Variants in ARMC2 observed in about 807,000 individuals in gnomAD.
The protein encoded by ARMC2 is armadillo repeat containing 2.
ARMC2 carries 67 observed loss-of-function variants against 90.3 expected under a neutral mutation model. That is an observed-to-expected ratio of 0.74 (90% CI 0.61 to 0.91). The LOEUF (loss-of-function observed/expected upper bound fraction) is 0.91, where lower values mean the gene tolerates loss of function less well. Among genes scored for constraint, ARMC2 ranks in the 40% least tolerant of loss-of-function variants. ARMC2 has a pLI of 0.00. For missense variants in ARMC2, 920 were observed against 1,030.9 expected (o/e 0.89, Z 1.47); for synonymous variants, 393 against 393.0 (o/e 1.00, Z 0.00).
intron 12 of ARMC2, among the ~76,000 whole-genome samples, chr6:108,938,302 C>T (rs1252821275): frequency 3.3e-5 from 5 of 152,066 alleles, no homozygotes; most frequent in African/African-American, 9.7e-5. Context: ...TAGCATTGAA[C>T]TTATCTTTAC....
intron 5 of ARMC2, among the ~76,000 whole-genome samples, chr6:108,892,397 A>T (rs1050050299): frequency 6.6e-6 from 1 of 152,122 alleles, no homozygotes; most frequent in African/African-American, 2.4e-5. Flanking sequence ...TAATTAGACA[A>T]TTTTTGGAAA....
At chr6:108,848,867 C>G (rs979286710) in intron 1 of ARMC2, 2 of 152,276 alleles carry the variant, frequency 1.3e-5, no homozygotes, top group African/African-American at 2.4e-5. Flanking sequence ...CTGCCGTCGT[C>G]CGCCTGTGTG....
At chr6:108,995,028 A>G in the ARMC2 span, among the ~76,000 whole-genome samples, 1 of 152,184 alleles carries the variant, frequency 6.6e-6, no homozygotes, top group South Asian at 2.1e-4. Flanking sequence ...AGTAGAATAT[A>G]GGGAAAATAT....
chr6:109,006,199 T>C, the ARMC2 span, among the ~76,000 whole-genome samples: 1 of 152,216 alleles, frequency 6.6e-6, no homozygotes, highest in East Asian at 1.9e-4. Flanking sequence ...ACAATATTCA[T>C]GAAAAAGTCA....
At chr6:108,939,271 A>G (rs557467901) in intron 12 of ARMC2, among the ~76,000 whole-genome samples, 1 of 152,156 alleles carries the variant, frequency 6.6e-6, no homozygotes, top group African/African-American at 2.4e-5. Context: ...TTATGTTCCT[A>G]TTGATGTGGT....
At chr6:108,858,746 C>G (rs542229172) in intron 3 of ARMC2, among the ~76,000 whole-genome samples, 28 of 152,148 alleles carry the variant, frequency 1.8e-4, no homozygotes, top group African/African-American at 6.7e-4. Context: ...ATCCAATGGT[C>G]TCCTGTCCCC....
chr6:108,858,091 A>G (rs2128418317), intron 2 of ARMC2, 108 bp from the exon 3 acceptor site: 1 of 719,222 alleles, frequency 1.4e-6, no homozygotes, highest in South Asian at 2.1e-5. Flanking sequence ...CTCATGGTTT[A>G]TGCATTGCAT....
the ARMC2 span, among the ~76,000 whole-genome samples, chr6:108,994,940 G>C: frequency 6.6e-6 from 1 of 152,060 alleles, no homozygotes; most frequent in Non-Finnish European, 1.5e-5. Context: ...TCCTGACCTT[G>C]TGATCTGTCC....
At chr6:108,998,374 A>T in the ARMC2 span, 1 of 915,838 alleles carries the variant, frequency 1.1e-6, no homozygotes, top group Non-Finnish European at 1.6e-6. Flanking sequence ...ATAAAACCCT[A>T]CTGAATGAAT....
the ARMC2 span, among the ~76,000 whole-genome samples, chr6:109,025,610 T>A: frequency 6.7e-6 from 1 of 149,280 alleles, no homozygotes; most frequent in Non-Finnish European, 1.5e-5. Context: ...AAATAGAAAG[T>A]ATGGGTGAGA....
intron 12 of ARMC2, among the ~76,000 whole-genome samples, chr6:108,940,947 T>C (rs1776385420): frequency 6.6e-6 from 1 of 152,072 alleles, no homozygotes; most frequent in Admixed American, 6.6e-5. Flanking sequence ...ACTGGCAACA[T>C]AGACCTCATC....
At chr6:108,991,505 G>A in the ARMC2 span, among the ~76,000 whole-genome samples, 1 of 152,296 alleles carries the variant, frequency 6.6e-6, no homozygotes, top group South Asian at 2.1e-4. Context: ...GTCTCTCAAA[G>A]TGCTGGGATT....
the ARMC2 span, chr6:108,993,070 A>T: frequency 1.8e-6 from 1 of 546,798 alleles, no homozygotes. Flanking sequence ...AACAGAATGT[A>T]GTAAAAGGAG....
intron 1 of ARMC2, among the ~76,000 whole-genome samples, chr6:108,850,169 T>C (rs563414470): frequency 2.6e-5 from 4 of 152,326 alleles, no homozygotes; most frequent in South Asian, 4.1e-4. Context: ...GTAGGAAATA[T>C]CTTGTTGAAA....
chr6:108,994,368 ATATT>A, the ARMC2 span: 1 of 1,004,068 alleles, frequency 1.0e-6, no homozygotes, highest in East Asian at 2.5e-5. Flanking sequence ...AAGGAAGGAC[ATATT>A]TAGATTGATG....
chr6:108,888,716 T>G (rs1162918159), intron 5 of ARMC2, among the ~76,000 whole-genome samples: 1 of 152,204 alleles, frequency 6.6e-6, no homozygotes, highest in Non-Finnish European at 1.5e-5. Context: ...CCTGGTAGGC[T>G]TCCCCTGCTA....
the ARMC2 span, among the ~76,000 whole-genome samples, chr6:109,007,504 A>G: frequency 6.6e-6 from 1 of 152,292 alleles, no homozygotes; most frequent in Non-Finnish European, 1.5e-5. Context: ...ATTCACAGTA[A>G]TTTTATTTTT....
intron 5 of ARMC2, among the ~76,000 whole-genome samples, chr6:108,883,931 G>A (rs1487723361): frequency 4.0e-5 from 6 of 151,634 alleles, no homozygotes; most frequent in Middle Eastern, 6.8e-3. Flanking sequence ...ATATTATGAT[G>A]TTTATTTCTG....
chr6:108,969,156 G>C (rs1377070963), intron 17 of ARMC2, among the ~76,000 whole-genome samples: 1 of 152,158 alleles, frequency 6.6e-6, no homozygotes, highest in Non-Finnish European at 1.5e-5. Context: ...TTGTGACAAG[G>C]GTAGAGCGGG....
Sources: gnomAD v4.1 joint callset for allele counts (sites outside exome capture counted in the v4.1 genomes callset) on GRCh38, gnomAD v4.1.1 for gene constraint, MANE v1.5 for transcripts, NCBI Gene and HGNC (gene_info 2026-07-23, HGNC 2026-07-21) for gene names.